Variants in PXDN observed in about 807,000 individuals in gnomAD.
PXDN encodes the protein peroxidasin homolog.
In PXDN, 77 loss-of-function variants were observed where a neutral mutation model predicts 140.3. The observed-to-expected ratio is 0.55, with a 90% CI of 0.46 to 0.66. The LOEUF (loss-of-function observed/expected upper bound fraction) is 0.66. Ranked by LOEUF, PXDN falls within the 30% of genes least tolerant of loss-of-function variation. PXDN has a pLI of 0.00. For synonymous variants in PXDN, 911 were observed against 857.4 expected, an observed-to-expected ratio of 1.06 and a Z score of -1.09; for missense variants, 1,838 against 2,039.5, an observed-to-expected ratio of 0.90 and a Z score of 1.90.
intron 3 of PXDN, among the ~76,000 whole-genome samples, chr2:1,691,586 G>C (rs1054950271): frequency 6.6e-6 from 1 of 152,082 alleles, no homozygotes; most frequent in Non-Finnish European, 1.5e-5. Context: ...CAACACACCC[G>C]TCAGCTGTTC....
Position 1,740,362 on chromosome 2 carries a change from C to G in PXDN, c.200+3894G>C, listed in dbSNP as rs138848094. On this transcript the variant is annotated intron_variant, in intron 1 of 22. Coordinates refer to ENST00000252804, the MANE Select transcript of PXDN (RefSeq NM_012293.3). The stretch of plus-strand genomic sequence containing the variant: ...AGGTCAGGGAAGCTCCAAGGATGAA[C>G]CTCGGGACCCATGTGACTCACTCAG... Among the ~76,000 whole-genome samples the G allele has an allele frequency of 7.3e-4, 111 of 152,284 alleles. No homozygotes were observed. The East Asian group carries it at 0.017, about 23-fold the overall frequency.
intron 1 of PXDN, among the ~76,000 whole-genome samples, chr2:1,742,449 T>A (rs1572209892): frequency 6.6e-6 from 1 of 152,212 alleles, no homozygotes; most frequent in African/African-American, 2.4e-5. Context: ...TACTCTCAGC[T>A]CCTTTTTCAA....
chr2:1,642,236 C>G (rs775215444), intron 19 of PXDN, among the ~76,000 whole-genome samples: 3 of 152,102 alleles, frequency 2.0e-5, no homozygotes, highest in Non-Finnish European at 4.4e-5. Flanking sequence ...GGTACACACA[C>G]TCCACACACA....
Position 1,651,829 on chromosome 2 carries a change from C to G in PXDN, c.2104+1799G>C, listed in dbSNP as rs1318259163. ...GGGCTTCTTATGTGCAGGGGCCTCT[C>G]TCTGGTTTTCCATCTGCATTTCTCT... is the stretch of plus-strand genomic sequence containing the variant. On this transcript the variant is annotated intron_variant, in intron 16 of 22. Transcript: ENST00000252804. This position sits in a 1 kb window ranked among gnomAD's most constrained non-coding sequence, Gnocchi z 4.4. Among the ~76,000 whole-genome samples, 1 of 152,220 alleles carries G rather than the reference C, an allele frequency of 6.6e-6. No individual in the cohort carries two copies. The highest frequency in any genetic ancestry group is 1.5e-5 in the Non-Finnish European group (1 of 68,040).
chr2:1,645,445 T>G (rs1314785923), intron 17 of PXDN, among the ~76,000 whole-genome samples: 2 of 152,168 alleles, frequency 1.3e-5, no homozygotes, highest in African/African-American at 4.8e-5. Flanking sequence ...TCTACTCGAT[T>G]TTTAACATAT....
In PXDN at chr2:1,648,047, C is replaced by G; in HGVS notation, c.3608+125G>C. 3.6e-5 allele frequency: 48 copies of G among 1,329,830 alleles called. No individual in the cohort carries two copies. Among genetic ancestry groups the G allele is most frequent in the Non-Finnish European group, 4.9e-5 (47 of 962,822 alleles). 82.4% of individuals were successfully genotyped at this position (1,329,830 alleles called of 1,614,324 possible). On this transcript the variant is annotated intron_variant, in intron 17 of 22. Transcript: ENST00000252804. The surrounding 1 kb of genome is among the most constrained non-coding windows in gnomAD (Gnocchi z 8.9). ...CCATCTTGACCTTCATGGACTTGAC[C>G]TTCATCTCACCTCTGCACGACACGA... is the stretch of plus-strand genomic sequence containing the variant.
rs1421055573 is a variant in PXDN, at chr2:1,631,939, T to C, written c.*2265A>G. 1 of 152,608 alleles carries C rather than the reference T, an allele frequency of 6.6e-6. No homozygotes were observed. The highest frequency in any genetic ancestry group is 2.4e-5 in the African/African-American group (1 of 41,446). The allele number at this position is 152,608 out of a possible 1,614,324, so 9.5% of individuals were successfully genotyped here. On this transcript the variant is annotated 3_prime_UTR_variant, in exon 23 of 23. Transcript: ENST00000252804. ...TGAACTGAAAGGCATCATTACAAAG[T>C]GCAAACATTTCTTTGGTAATGAACT...
chr2:1,645,530 G>T lies in PXDN; in HGVS notation c.3609-778C>A, dbSNP rs79437432. Among the ~76,000 whole-genome samples, 517 of 152,316 alleles carry T rather than the reference G, an allele frequency of 3.4e-3. 5 individuals are homozygous for T. The highest frequency in any genetic ancestry group is 0.012 in the African/African-American group (492 of 41,560). ...ACCACCAACTGAACCCTAGGATCAA[G>T]ACAGATTTTGTTGCTTACTGAACAG... On this transcript the variant is annotated intron_variant, in intron 17 of 22. Transcript: ENST00000252804.
intron 1 of PXDN, among the ~76,000 whole-genome samples, chr2:1,708,862 CCT>C (rs1018449867): frequency 3.3e-4 from 50 of 152,286 alleles, no homozygotes; most frequent in African/African-American, 1.2e-3. Context: ...TTGTTAAGAA[CCT>C]CTCTACGTGT....
In PXDN at chr2:1,687,645, A is replaced by G; in HGVS notation, c.403T>C (p.Ser135Pro). The part of the protein sequence containing the change: ...IDRQAFKGLA[S>P]LEQLYLHFNQ... Reference sequence around the variant, plus strand: ...AGGGGCACTTACAGTTGCTCTAGAGAGGCAAGTCCCTTAAATGCTTGCCTG... The same window carrying G: ...AGGGGCACTTACAGTTGCTCTAGAGGGGCAAGTCCCTTAAATGCTTGCCTG... The change falls in exon 4 of 23, where the codon TCT becomes CCT. Residue 135 changes from serine (S) to proline (P), a missense_variant. Ser to Pro is a moderately conservative substitution (Grantham distance 74). This residue lies in a region of PXDN where 231 missense variants were observed against 201.5 expected (regional missense o/e 1.15). Transcript: ENST00000252804. The surrounding 1 kb of genome is among the most constrained non-coding windows in gnomAD (Gnocchi z 4.0). 6.6e-7 allele frequency: 1 copy of G among 1,516,658 alleles called. No homozygotes were observed. Among genetic ancestry groups the G allele is most frequent in the Non-Finnish European group, 9.1e-7 (1 of 1,096,316 alleles). The allele number at this position is 1,516,658 out of a possible 1,614,324, so 94.0% of individuals were successfully genotyped here.
rs1266215713 is a variant in PXDN at position 1,648,255 on chromosome 2, G to A, written c.3525C>T (p.Val1175=). The A allele has an allele frequency of 6.2e-7, 1 of 1,613,914 alleles. No individual in the cohort carries two copies. Among genetic ancestry groups the A allele is most frequent in the East Asian group, 2.2e-5 (1 of 44,864 alleles). ...HGIPPYHDYR[V]YCNLSAAHTF... The stretch of plus-strand genomic sequence containing the variant: ...TGTGTGCCGCCGATAGATTGCAGTA[G>A]ACCCTGTAGTCGTGGTAGGGTGGGA... Residue 1175 remains valine (V), a synonymous_variant, in exon 17 of 23, where the codon GTC becomes GTT. Transcript: ENST00000252804. The surrounding 1 kb of genome is among the most constrained non-coding windows in gnomAD (Gnocchi z 8.9).
chr2:1,743,766 C>CA (rs1247534189), intron 1 of PXDN, among the ~76,000 whole-genome samples: 6 of 69,956 alleles, frequency 8.6e-5, no homozygotes, highest in African/African-American at 3.0e-4. Flanking sequence ...GGACGAGGAA[C>CA]GGGGCGGAGG....
In PXDN at chr2:1,653,708, G is replaced by A. The variant is rs748218911; in HGVS notation, c.2024C>T (p.Ala675Val). ...RDPYTVEQAR[A>V]GEIFERTLQL... Reference sequence around the variant, plus strand: ...CAATGTCCGTTCAAAGATTTCTCCCGCCCGTGCCTGTTCAACTGTGTAAGG... The same window carrying A: ...CAATGTCCGTTCAAAGATTTCTCCCACCCGTGCCTGTTCAACTGTGTAAGG... Residue 675 changes from alanine to valine, a missense_variant, in exon 16 of 23, where the codon GCG becomes GTG. Physicochemically the swap from Ala to Val is moderately conservative, Grantham distance 64 (BLOSUM62 0). Transcript: ENST00000252804. The A allele has an allele frequency of 6.8e-6, 11 of 1,605,848 alleles. No homozygotes were observed. The highest frequency in any genetic ancestry group is 6.8e-6 in the Non-Finnish European group (8 of 1,176,334).
chr2:1,703,374 TG>T (rs1684493440), intron 1 of PXDN, among the ~76,000 whole-genome samples: 1 of 4,646 alleles, frequency 2.2e-4, no homozygotes, highest in Non-Finnish European at 3.7e-4. Flanking sequence ...CCAGGTGAAG[TG>T]GGGGACAGCT....
intron 1 of PXDN, among the ~76,000 whole-genome samples, chr2:1,707,907 A>G (rs141379555): frequency 0.016 from 2,445 of 152,324 alleles, 37 homozygotes; most frequent in Admixed American, 0.041. Flanking sequence ...TCAGCACCCT[A>G]AGGGCTAAAG....
chr2:1,659,772 G>A (rs1239665866), intron 14 of PXDN, among the ~76,000 whole-genome samples: 1 of 152,106 alleles, frequency 6.6e-6, no homozygotes, highest in Non-Finnish European at 1.5e-5. Flanking sequence ...CATATAATGG[G>A]AAAATAAGGT....
chr2:1,683,686 G>A lies in PXDN; in HGVS notation c.530C>T (p.Thr177Ile). 1 of 1,608,344 alleles carries A rather than the reference G, an allele frequency of 6.2e-7. No homozygotes were observed. The highest frequency in any genetic ancestry group is 8.5e-7 in the Non-Finnish European group (1 of 1,178,092). The part of the protein sequence containing the change: ...NNRITHLVPG[T>I]FNHLESMKRL... ...CTTCATAGATTCCAAGTGATTAAAT[G>A]TCCCTGGAACTAAATGTGTAATCCG... Residue 177 changes from threonine (T) to isoleucine (I), a missense_variant, in exon 6 of 23, where the codon ACA becomes ATA. Transcript: ENST00000252804.
intron 14 of PXDN, among the ~76,000 whole-genome samples, chr2:1,655,332 A>G (rs1683105218): frequency 1.3e-5 from 2 of 150,004 alleles, no homozygotes; most frequent in African/African-American, 4.9e-5. Flanking sequence ...ACACAGATAC[A>G]TACCACACAC....
chr2:1,692,683 T>C, intron 2 of PXDN: 1 of 457,692 alleles, frequency 2.2e-6, no homozygotes. Context: ...TTAAGTCCAC[T>C]CCACACTCAG....
Sources: allele counts gnomAD v4.1 joint callset (sites outside exome capture counted in the v4.1 genomes callset), GRCh38; gene constraint gnomAD v4.1.1; regional missense constraint gnomAD v4.1.1; non-coding constraint Gnocchi (gnomAD v3.1); transcripts MANE v1.5; gene names NCBI Gene and HGNC (gene_info 2026-07-23, HGNC 2026-07-21).